GNAL: variants seen among roughly 807,000 people sequenced by gnomAD.
The protein encoded by GNAL is G protein subunit alpha L.
GNAL carries 18 observed loss-of-function variants against 55.1 expected under a neutral mutation model. The observed-to-expected ratio is 0.33, with a 90% CI of 0.23 to 0.48. The LOEUF (loss-of-function observed/expected upper bound fraction) is 0.48, where lower values mean the gene tolerates loss of function less well. GNAL is among the 20% of genes least tolerant of loss of function. The pLI, the probability that GNAL is intolerant of heterozygous loss-of-function variation, is 0.99. For missense variants in GNAL, 412 were observed against 614.1 expected, an observed-to-expected ratio of 0.67 and a Z score of 3.48; for synonymous variants, 253 against 237.0, an observed-to-expected ratio of 1.07 and a Z score of -0.62.
Position 11,883,460 on chromosome 18 carries a change from A to G in GNAL, c.*2325A>G, listed in dbSNP as rs2036769621. 6.5e-6 allele frequency: 1 copy of G among 153,510 alleles called. No homozygotes were observed. Among genetic ancestry groups the G allele is most frequent in the South Asian group, 2.1e-4 (1 of 4,834 alleles). 9.5% of individuals were successfully genotyped at this position (153,510 alleles called of 1,614,324 possible). On this transcript the variant is annotated 3_prime_UTR_variant, in exon 12 of 12. Transcript: ENST00000334049. ...AGCCAGACTGTTAAGAAAAAAAACA[A>G]AAAGAATAACTTTTATCTGGCTTAC... is the stretch of plus-strand genomic sequence containing the variant.
chr18:11,870,133 A>G (rs1195992344), intron 9 of GNAL, among the ~76,000 whole-genome samples: 1 of 152,194 alleles, frequency 6.6e-6, no homozygotes, highest in Non-Finnish European at 1.5e-5. Flanking sequence ...TGGTTTTCAC[A>G]GGGAGTCCTA....
chr18:11,753,850 A>G lies in GNAL; in HGVS notation c.529A>G (p.Ile177Val), dbSNP rs1375826103. The G allele has an allele frequency of 6.2e-7, 1 of 1,609,348 alleles. No homozygotes were observed. Among genetic ancestry groups the G allele is most frequent in the Non-Finnish European group, 8.5e-7 (1 of 1,175,696 alleles). ...IVTIVSAMST[I>V]IPPVPLANPE... ...GACAATTGTTTCAGCAATGAGTACT[A>G]TAATACCTCCAGTTCCGCTGGCCAA... Residue 177 changes from isoleucine (I) to valine (V), a missense_variant, in exon 4 of 12, where the codon ATA becomes GTA. Coordinates refer to ENST00000334049, the MANE Select transcript of GNAL (RefSeq NM_182978.4).
intron 4 of GNAL, among the ~76,000 whole-genome samples, chr18:11,799,105 T>A (rs2034458310): frequency 1.3e-5 from 2 of 149,220 alleles, no homozygotes; most frequent in Non-Finnish European, 3.0e-5. Flanking sequence ...AGAGCGAGAG[T>A]CTGTCTCAAA....
At chr18:11,716,377 CG>C (rs1350132701) in intron 1 of GNAL, among the ~76,000 whole-genome samples, 1 of 152,050 alleles carries the variant, frequency 6.6e-6, no homozygotes, top group African/African-American at 2.4e-5. Context: ...CAGACCTTCG[CG>C]GTGAGTGTTA....
At chr18:11,872,177 T>C in intron 9 of GNAL, 91 bp from the exon 10 acceptor site, 2 of 752,146 alleles carry the variant, frequency 2.7e-6, no homozygotes, top group Non-Finnish European at 4.4e-6. Context: ...AGGAAGACGA[T>C]GGTATTCTTT....
chr18:11,750,256 G>A (rs758737083), intron 1 of GNAL, among the ~76,000 whole-genome samples: 2 of 152,168 alleles, frequency 1.3e-5, no homozygotes, highest in Non-Finnish European at 2.9e-5. Context: ...GAAAGGAGCA[G>A]GTAGAAGGCG....
intron 4 of GNAL, among the ~76,000 whole-genome samples, chr18:11,755,526 C>T (rs1262155549): frequency 6.6e-6 from 1 of 152,196 alleles, no homozygotes; most frequent in South Asian, 2.1e-4. Flanking sequence ...CCACCCGCCT[C>T]GGCCTCCCAA....
rs2037003739 is a variant in GNAL at position 11,885,182 on chromosome 18, G to A, written c.*4047G>A. The A allele has an allele frequency of 1.7e-6, 1 of 594,494 alleles. No individual in the cohort carries two copies. The highest frequency in any genetic ancestry group is 2.4e-6 in the Non-Finnish European group (1 of 412,892). 36.8% of individuals were successfully genotyped at this position (594,494 alleles called of 1,614,324 possible). On this transcript the variant is annotated 3_prime_UTR_variant, in exon 12 of 12. Transcript: ENST00000334049. ...TCCTCCACCTTTTTATGAAGTAAAA[G>A]AACCTGTCGTACCAGCATCATGAGC...
intron 1 of GNAL, among the ~76,000 whole-genome samples, chr18:11,694,532 G>A (rs183262075): frequency 3.3e-5 from 5 of 152,310 alleles, no homozygotes; most frequent in East Asian, 3.9e-4. Context: ...AGGTGCAGAG[G>A]TGGGATGGAA....
intron 1 of GNAL, among the ~76,000 whole-genome samples, chr18:11,701,812 C>T (rs938182796): frequency 4.6e-5 from 7 of 152,044 alleles, no homozygotes; most frequent in Admixed American, 2.0e-4. Context: ...TGTTATCAAA[C>T]GGGAAGGAGA....
intron 4 of GNAL, among the ~76,000 whole-genome samples, chr18:11,791,280 A>G (rs1285386441): frequency 6.6e-6 from 1 of 152,158 alleles, no homozygotes; most frequent in African/African-American, 2.4e-5. Context: ...GTTATTTTTA[A>G]ATTTCCTGCC....
intron 1 of GNAL, among the ~76,000 whole-genome samples, chr18:11,697,240 T>G (rs576688102): frequency 6.6e-6 from 1 of 152,218 alleles, no homozygotes; most frequent in Non-Finnish European, 1.5e-5. Context: ...AACAGCCCAG[T>G]CAAGAGATGT....
At chr18:11,748,954 G>A (rs1049838009) in intron 1 of GNAL, among the ~76,000 whole-genome samples, 3 of 151,916 alleles carry the variant, frequency 2.0e-5, no homozygotes, top group East Asian at 1.9e-4. Context: ...GTGAAACCCC[G>A]TCTCTACTAA....
intron 1 of GNAL, chr18:11,702,333 C>A: frequency 6.6e-6 from 1 of 152,392 alleles, no homozygotes; most frequent in Non-Finnish European, 1.5e-5. Flanking sequence ...GTGCTGATCC[C>A]AGAGCCGGCC....
At chr18:11,740,469 G>T (rs2032553310) in intron 1 of GNAL, among the ~76,000 whole-genome samples, 1 of 152,132 alleles carries the variant, frequency 6.6e-6, no homozygotes, top group African/African-American at 2.4e-5. Flanking sequence ...CATGCATGTA[G>T]ATACACAGGG....
chr18:11,809,940 G>C (rs1185684101), intron 4 of GNAL, among the ~76,000 whole-genome samples: 1 of 152,180 alleles, frequency 6.6e-6, no homozygotes, highest in Admixed American at 6.5e-5. Context: ...AATTACAGAG[G>C]GGCTCAGTGG....
intron 11 of GNAL, among the ~76,000 whole-genome samples, chr18:11,880,174 T>G (rs565585012): frequency 8.6e-5 from 13 of 151,052 alleles, no homozygotes; most frequent in African/African-American, 2.4e-4. Context: ...GGAGAATTGC[T>G]TGAACCCGGG....
At chr18:11,745,442 AT>A (rs1255790390) in intron 1 of GNAL, among the ~76,000 whole-genome samples, 1 of 152,236 alleles carries the variant, frequency 6.6e-6, no homozygotes, top group Non-Finnish European at 1.5e-5. Context: ...ATTATTCAAA[AT>A]TTACAAAACT....
intron 5 of GNAL, among the ~76,000 whole-genome samples, chr18:11,830,289 T>TTA (rs1403643645): frequency 1.4e-5 from 2 of 146,258 alleles, no homozygotes; most frequent in Non-Finnish European, 3.0e-5. Context: ...CATCTTTTTT[T>TTA]TTTTTTTTTT....
Sources: gnomAD v4.1 joint callset for allele counts (sites outside exome capture counted in the v4.1 genomes callset) on GRCh38, gnomAD v4.1.1 for gene constraint, MANE v1.5 for transcripts, NCBI Gene and HGNC (gene_info 2026-07-23, HGNC 2026-07-21) for gene names.